PTPRM: variants seen among roughly 807,000 people sequenced by gnomAD.
PTPRM encodes protein tyrosine phosphatase receptor type M, also known as receptor-type tyrosine-protein phosphatase mu.
PTPRM carries 47 observed loss-of-function variants against 186.7 expected under a neutral mutation model. The ratio of observed to expected loss-of-function variants is 0.25; its 90% CI spans 0.20 to 0.32. The LOEUF is 0.32. Among genes scored for constraint, PTPRM ranks in the 10% least tolerant of loss-of-function variants. The pLI is 1.00. For synonymous variants in PTPRM, 668 were observed against 674.9 expected (o/e 0.99, Z 0.16); for missense variants, 1,494 against 1,865.0 (o/e 0.80, Z 3.66).
chr18:8,051,269 T>G (rs981386597), intron 7 of PTPRM, among the ~76,000 whole-genome samples: 1 of 152,218 alleles, frequency 6.6e-6, no homozygotes, highest in African/African-American at 2.4e-5. Flanking sequence ...TTCTAGGATA[T>G]TCATGCCTTT....
intron 7 of PTPRM, among the ~76,000 whole-genome samples, chr18:7,961,293 A>G (rs1348797971): frequency 1.3e-5 from 2 of 152,136 alleles, no homozygotes; most frequent in African/African-American, 2.4e-5. Context: ...CCCCTTCCCC[A>G]TAACCCTGGC....
intron 14 of PTPRM, among the ~76,000 whole-genome samples, chr18:8,215,873 G>T (rs796754629): frequency 1.4e-4 from 22 of 152,112 alleles, no homozygotes; most frequent in African/African-American, 5.3e-4. Flanking sequence ...TCCTTGAGAT[G>T]CAGAGTAACC....
intron 7 of PTPRM, among the ~76,000 whole-genome samples, chr18:8,008,471 ATAAT>A (rs925110571): frequency 3.3e-5 from 5 of 152,196 alleles, no homozygotes; most frequent in Non-Finnish European, 5.9e-5. Context: ...TTATGAATAG[ATAAT>A]TAAAGAATGA....
chr18:7,967,994 C>A (rs1300731806), intron 7 of PTPRM, among the ~76,000 whole-genome samples: 1 of 99,996 alleles, frequency 1.0e-5, no homozygotes, highest in Non-Finnish European at 1.9e-5. Context: ...AACTCCAAGA[C>A]ACATAATTGT....
chr18:7,853,761 A>C (rs1464042220), intron 2 of PTPRM, among the ~76,000 whole-genome samples: 1 of 151,918 alleles, frequency 6.6e-6, no homozygotes, highest in Admixed American at 6.5e-5. Flanking sequence ...TTCTATACCA[A>C]GCTGATTCTC....
At chr18:8,076,028 G>A (rs1288777397) in intron 8 of PTPRM, among the ~76,000 whole-genome samples, 1 of 151,996 alleles carries the variant, frequency 6.6e-6, no homozygotes, top group Non-Finnish European at 1.5e-5. Context: ...AATTTTACTA[G>A]GGAATATACC....
chr18:8,153,454 C>A (rs1297566733), intron 14 of PTPRM, among the ~76,000 whole-genome samples: 1 of 152,160 alleles, frequency 6.6e-6, no homozygotes, highest in Non-Finnish European at 1.5e-5. Context: ...CAAGTCATGT[C>A]AGATTTACAT....
chr18:8,180,438 CA>C (rs1416548899), intron 14 of PTPRM, among the ~76,000 whole-genome samples: 1 of 152,154 alleles, frequency 6.6e-6, no homozygotes, highest in African/African-American at 2.4e-5. Flanking sequence ...AGAGCAGAAA[CA>C]AAAGGAAATA....
At chr18:7,891,832 G>A in intron 3 of PTPRM, among the ~76,000 whole-genome samples, 1 of 152,132 alleles carries the variant, frequency 6.6e-6, no homozygotes, top group Non-Finnish European at 1.5e-5. Context: ...CTGACATTGT[G>A]CCACTGCACT....
chr18:7,842,484 G>T (rs899316469), intron 2 of PTPRM, among the ~76,000 whole-genome samples: 4 of 152,158 alleles, frequency 2.6e-5, no homozygotes, highest in Non-Finnish European at 1.5e-5. Context: ...AAGTCCAGAC[G>T]TTGCCGTGAA....
chr18:7,605,427 C>CCG (rs1043434925), intron 1 of PTPRM, among the ~76,000 whole-genome samples: 16 of 151,808 alleles, frequency 1.1e-4, no homozygotes, highest in African/African-American at 3.6e-4. Flanking sequence ...TGTCCCCCCC[C>CCG]CACTTCCGTT....
chr18:7,762,909 T>G (rs1158407000), intron 1 of PTPRM, among the ~76,000 whole-genome samples: 1 of 152,222 alleles, frequency 6.6e-6, no homozygotes, highest in Non-Finnish European at 1.5e-5. Context: ...TTCATCACCT[T>G]GTAACAGTGA....
intron 2 of PTPRM, among the ~76,000 whole-genome samples, chr18:7,828,249 A>C (rs934965602): frequency 1.9e-4 from 28 of 148,782 alleles, no homozygotes; most frequent in South Asian, 8.5e-4. Context: ...TTTTATTTTT[A>C]TTTTTTAATT....
intron 4 of PTPRM, among the ~76,000 whole-genome samples, chr18:7,919,093 A>G (rs888143636): frequency 6.6e-6 from 1 of 152,152 alleles, no homozygotes; most frequent in Non-Finnish European, 1.5e-5. Context: ...GTCAAAGACA[A>G]GTTGGCTACA....
intron 14 of PTPRM, among the ~76,000 whole-genome samples, chr18:8,200,482 G>T (rs959642850): frequency 6.6e-6 from 1 of 152,256 alleles, no homozygotes; most frequent in Non-Finnish European, 1.5e-5. Flanking sequence ...GGCCCTGTGA[G>T]GCCTTTCCAC....
Position 7,676,088 on chromosome 18 carries a change from A to G in PTPRM, c.74-98061A>G, listed in dbSNP as rs367598485. 4.8e-4 allele frequency among the ~76,000 whole-genome samples: 73 copies of G among 152,244 alleles called. 1 individual carries two copies. In the Middle Eastern group the frequency reaches 0.014, roughly 28 times the overall value. Reference sequence around the variant, plus strand: ...ATGGATGTATGGGTGATACTGTGCTAGGCACCAAGGCATGAAGACATAATT... The same window carrying G: ...ATGGATGTATGGGTGATACTGTGCTGGGCACCAAGGCATGAAGACATAATT... On this transcript the variant is annotated intron_variant, in intron 1 of 32. Coordinates refer to ENST00000580170, the MANE Select transcript of PTPRM (RefSeq NM_001105244.2).
At chr18:7,896,500 G>T (rs1040067748) in intron 3 of PTPRM, among the ~76,000 whole-genome samples, 2 of 151,658 alleles carry the variant, frequency 1.3e-5, no homozygotes, top group South Asian at 4.2e-4. Flanking sequence ...ATAAATGGTT[G>T]CTTTAAAAAG....
chr18:7,577,283 T>C (rs577495621), intron 1 of PTPRM, among the ~76,000 whole-genome samples: 1 of 152,298 alleles, frequency 6.6e-6, no homozygotes, highest in South Asian at 2.1e-4. Flanking sequence ...TTGTGTATAA[T>C]AAAAATGTAT....
intron 2 of PTPRM, among the ~76,000 whole-genome samples, chr18:7,881,193 G>A (rs1322586966): frequency 1.3e-5 from 2 of 152,138 alleles, no homozygotes; most frequent in African/African-American, 4.8e-5. Context: ...CACAGCACTT[G>A]GGAGGCTGAG....
Sources: allele counts gnomAD v4.1 joint callset (sites outside exome capture counted in the v4.1 genomes callset), GRCh38; gene constraint gnomAD v4.1.1; transcripts MANE v1.5; gene names NCBI Gene and HGNC (gene_info 2026-07-23, HGNC 2026-07-21).